Variants in CAMK1D observed in about 807,000 individuals in gnomAD.
CAMK1D encodes calcium/calmodulin-dependent protein kinase type 1D.
In CAMK1D, 9 loss-of-function variants were observed where a neutral mutation model predicts 47.7. The observed-to-expected ratio is 0.19, with a 90% CI of 0.11 to 0.33. CAMK1D has a LOEUF of 0.33. Among genes scored for constraint, CAMK1D ranks in the 10% least tolerant of loss-of-function variants. CAMK1D has a pLI of 1.00. For synonymous variants in CAMK1D, 184 were observed against 184.9 expected (o/e 0.99, Z 0.04); for missense variants, 291 against 488.7 (o/e 0.60, Z 3.81).
chr10:12,759,980 C>G (rs1166695200), intron 3 of CAMK1D, among the ~76,000 whole-genome samples: 1 of 152,104 alleles, frequency 6.6e-6, no homozygotes, highest in Non-Finnish European at 1.5e-5. Context: ...AAATCTGTCT[C>G]ATCTTGTTTT....
intron 2 of CAMK1D, among the ~76,000 whole-genome samples, chr10:12,651,597 TC>T (rs1376069765): frequency 6.6e-6 from 1 of 151,974 alleles, no homozygotes; most frequent in Non-Finnish European, 1.5e-5. Flanking sequence ...AGACGGGATT[TC>T]ACCGTGTTGT....
At chr10:12,562,491 C>G (rs1386336687) in intron 2 of CAMK1D, among the ~76,000 whole-genome samples, 2 of 152,210 alleles carry the variant, frequency 1.3e-5, no homozygotes, top group South Asian at 2.1e-4. Context: ...GTCACCCTCA[C>G]TACCTTAATT....
At chr10:12,725,057 A>G (rs1834560804) in intron 3 of CAMK1D, among the ~76,000 whole-genome samples, 1 of 152,226 alleles carries the variant, frequency 6.6e-6, no homozygotes, top group African/African-American at 2.4e-5. Context: ...AGCAGAAGCA[A>G]GGGTCCCACT....
chr10:12,426,637 C>A (rs989144357), intron 1 of CAMK1D, among the ~76,000 whole-genome samples: 2 of 152,242 alleles, frequency 1.3e-5, no homozygotes, highest in African/African-American at 4.8e-5. Context: ...CAGCATTGAA[C>A]TCCTGGGCTC....
intron 2 of CAMK1D, among the ~76,000 whole-genome samples, chr10:12,556,178 GAGTA>G (rs2132279331): frequency 6.6e-6 from 1 of 152,254 alleles, no homozygotes; most frequent in South Asian, 2.1e-4. Context: ...TTTACATATG[GAGTA>G]AGAGGCAGTT....
chr10:12,722,933 C>A (rs544205512), intron 3 of CAMK1D, among the ~76,000 whole-genome samples: 1 of 151,842 alleles, frequency 6.6e-6, no homozygotes, highest in African/African-American at 2.4e-5. Flanking sequence ...ATATCTCTAA[C>A]GGAGGTATAA....
chr10:12,477,503 G>A (rs775459559), intron 1 of CAMK1D, among the ~76,000 whole-genome samples: 4 of 152,174 alleles, frequency 2.6e-5, no homozygotes, highest in East Asian at 1.9e-4. Context: ...ATTAGGAGGC[G>A]GAGTCTCCCC....
chr10:12,515,418 C>CTT lies in CAMK1D; in HGVS notation c.93-37797_93-37796dup, dbSNP rs55732103. 1.3e-3 allele frequency among the ~76,000 whole-genome samples: 130 copies of CTT among 98,950 alleles called. 2 individuals are homozygous for CTT. Among genetic ancestry groups the CTT allele is most frequent in the Middle Eastern group, 0.012 (2 of 166 alleles). 64.9% of individuals were successfully genotyped at this position (98,950 alleles called of 152,430 possible). On this transcript the variant is annotated intron_variant, in intron 1 of 10. Coordinates refer to ENST00000619168, the MANE Select transcript of CAMK1D (RefSeq NM_153498.4). The stretch of plus-strand genomic sequence containing the variant: ...TTTCCTTTTCTTTTTTTTTTTTTTT[C>CTT]TTTTTTTTTTTCATTATACTTTAAG...
chr10:12,430,121 C>G (rs1840391536), intron 1 of CAMK1D, among the ~76,000 whole-genome samples: 1 of 152,162 alleles, frequency 6.6e-6, no homozygotes, highest in Admixed American at 6.5e-5. Flanking sequence ...CCTTGCTGTT[C>G]TCTCTTGGAT....
chr10:12,555,163 C>G (rs2132277163), intron 2 of CAMK1D, among the ~76,000 whole-genome samples: 1 of 152,322 alleles, frequency 6.6e-6, no homozygotes. Flanking sequence ...TCTAGGGCCT[C>G]AACACAAAAT....
intron 1 of CAMK1D, among the ~76,000 whole-genome samples, chr10:12,374,258 CAAAAAAAAAAA>C (rs56312810): frequency 5.9e-4 from 54 of 91,730 alleles, no homozygotes; most frequent in African/African-American, 2.2e-3. Flanking sequence ...GACTCTGTCT[CAAAAAAAAAAA>C]AAAAAAAAAA....
chr10:12,803,300 A>G (rs989218611), intron 6 of CAMK1D, among the ~76,000 whole-genome samples: 6 of 152,244 alleles, frequency 3.9e-5, no homozygotes, highest in South Asian at 2.1e-4. Context: ...AGGCTGGACT[A>G]TGGAACCCTG....
intron 1 of CAMK1D, among the ~76,000 whole-genome samples, chr10:12,364,473 C>G (rs959543345): frequency 6.6e-6 from 1 of 151,872 alleles, no homozygotes; most frequent in East Asian, 1.9e-4. Flanking sequence ...GAACTTCTGA[C>G]CTCAGGTGAT....
At chr10:12,577,867 C>G (rs1019586840) in intron 2 of CAMK1D, among the ~76,000 whole-genome samples, 1 of 152,238 alleles carries the variant, frequency 6.6e-6, no homozygotes, top group Admixed American at 6.5e-5. Flanking sequence ...ATGTCATTCC[C>G]AGGATCCCAG....
chr10:12,553,404 T>G (rs780157660), intron 2 of CAMK1D, 48 bp downstream of exon 2: 1 of 1,494,802 alleles, frequency 6.7e-7, no homozygotes, highest in Non-Finnish European at 9.3e-7. Flanking sequence ...TCCTGGCCCG[T>G]GTGTCCTGCA....
chr10:12,404,308 G>A (rs759332422), intron 1 of CAMK1D, among the ~76,000 whole-genome samples: 2 of 152,214 alleles, frequency 1.3e-5, no homozygotes, highest in African/African-American at 2.4e-5. Context: ...GCCTCCCAGA[G>A]TGCTGGGATT....
chr10:12,369,106 C>T (rs1250414230), intron 1 of CAMK1D, among the ~76,000 whole-genome samples: 4 of 152,170 alleles, frequency 2.6e-5, no homozygotes, highest in Non-Finnish European at 1.5e-5. Context: ...TGAGCCACCA[C>T]ACCCAGCCAG....
chr10:12,660,582 T>A lies in CAMK1D; in HGVS notation c.225-6154T>A, dbSNP rs1032983607. Among the ~76,000 whole-genome samples, 4 of 152,246 alleles carry A rather than the reference T, an allele frequency of 2.6e-5. No homozygotes were observed. In the South Asian group the frequency reaches 8.3e-4, roughly 31 times the overall value. On this transcript the variant is annotated intron_variant, in intron 2 of 10. Coordinates refer to ENST00000619168, the MANE Select transcript of CAMK1D (RefSeq NM_153498.4). ...GAAGTCTGCTTCAATGCCCATGTGCTTTTTTCCCATTCAAGTTGACTCTCT... is the reference window on the plus strand; with the variant it reads ...GAAGTCTGCTTCAATGCCCATGTGCATTTTTCCCATTCAAGTTGACTCTCT...
chr10:12,784,506 G>A (rs1837636307), intron 5 of CAMK1D, among the ~76,000 whole-genome samples: 1 of 142,914 alleles, frequency 7.0e-6, no homozygotes, highest in Non-Finnish European at 1.5e-5. Context: ...CAGAGAAAAG[G>A]TATTAAAGGG....
Sources: gnomAD v4.1 joint callset for allele counts (sites outside exome capture counted in the v4.1 genomes callset) on GRCh38, gnomAD v4.1.1 for gene constraint, MANE v1.5 for transcripts, NCBI Gene and HGNC (gene_info 2026-07-23, HGNC 2026-07-21) for gene names.